SLC35F3: variants seen among roughly 807,000 people sequenced by gnomAD.
SLC35F3 encodes the protein solute carrier family 35 member F3.
A neutral mutation model predicts 49.9 loss-of-function variants in SLC35F3; 25 were observed. The ratio of observed to expected loss-of-function variants is 0.50; its 90% CI spans 0.37 to 0.70. The LOEUF is 0.70. Ranked by LOEUF, SLC35F3 falls within the 30% of genes least tolerant of loss-of-function variation. SLC35F3 has a pLI of 0.00. For synonymous variants in SLC35F3, 275 were observed against 265.4 expected (o/e 1.04, Z -0.35); for missense variants, 525 against 639.8 (o/e 0.82, Z 1.94).
chr1:234,248,794 T>C (rs1667687430), intron 3 of SLC35F3, among the ~76,000 whole-genome samples: 1 of 152,214 alleles, frequency 6.6e-6, no homozygotes, highest in Non-Finnish European at 1.5e-5. Flanking sequence ...AATCAAACTC[T>C]GTTCCTTGTT....
chr1:234,048,359 T>C (rs1664324378), intron 2 of SLC35F3, among the ~76,000 whole-genome samples: 1 of 152,194 alleles, frequency 6.6e-6, no homozygotes, highest in Non-Finnish European at 1.5e-5. Context: ...AGGTTATCCA[T>C]GATGTTAATG....
chr1:234,030,655 G>A (rs553187152), intron 2 of SLC35F3, among the ~76,000 whole-genome samples: 5 of 152,286 alleles, frequency 3.3e-5, no homozygotes, highest in Admixed American at 2.0e-4. Flanking sequence ...AGGTTGGATA[G>A]CATGAAATTG....
chr1:233,927,943 ATATCT>A (rs1558181076), intron 2 of SLC35F3, among the ~76,000 whole-genome samples: 1 of 152,214 alleles, frequency 6.6e-6, no homozygotes, highest in Non-Finnish European at 1.5e-5. Flanking sequence ...TCTGAAAATC[ATATCT>A]TATAACTTTC....
chr1:234,282,009 CT>C (rs5781782), intron 3 of SLC35F3, among the ~76,000 whole-genome samples: 2,654 of 152,186 alleles, frequency 0.017, 66 homozygotes, highest in African/African-American at 0.054. Flanking sequence ...CGCATGTCCC[CT>C]GGTACGTCTT....
chr1:234,150,078 G>C, intron 2 of SLC35F3, among the ~76,000 whole-genome samples: 1 of 152,206 alleles, frequency 6.6e-6, no homozygotes, highest in East Asian at 1.9e-4. Context: ...AGCAAGCAAA[G>C]CTGCCTTCTG....
intron 2 of SLC35F3, among the ~76,000 whole-genome samples, chr1:233,955,598 C>T (rs1174460425): frequency 6.6e-6 from 1 of 152,000 alleles, no homozygotes; most frequent in Non-Finnish European, 1.5e-5. Context: ...CCCTTCTGCC[C>T]CCCTGTCTTG....
intron 3 of SLC35F3, among the ~76,000 whole-genome samples, chr1:234,290,512 G>A (rs1274805783): frequency 6.6e-6 from 1 of 152,156 alleles, no homozygotes; most frequent in Non-Finnish European, 1.5e-5. Flanking sequence ...GCACTTGCAG[G>A]GAAGTCTGAA....
chr1:234,251,230 C>T (rs1018277027), intron 3 of SLC35F3, among the ~76,000 whole-genome samples: 1 of 152,098 alleles, frequency 6.6e-6, no homozygotes, highest in Non-Finnish European at 1.5e-5. Flanking sequence ...ATAGCAAGGA[C>T]TGGTTTGACC....
chr1:234,258,713 A>C (rs1350436690), intron 3 of SLC35F3, among the ~76,000 whole-genome samples: 1 of 152,264 alleles, frequency 6.6e-6, no homozygotes, highest in Non-Finnish European at 1.5e-5. Context: ...TAGAAGCAAG[A>C]TGGAGTCAGC....
At chr1:233,944,107 C>A (rs1217960081) in intron 2 of SLC35F3, among the ~76,000 whole-genome samples, 1 of 152,110 alleles carries the variant, frequency 6.6e-6, no homozygotes, top group Non-Finnish European at 1.5e-5. Context: ...AATTTAACAA[C>A]CTAACCTCAT....
At chr1:234,241,735 CA>C (rs34326038) in intron 3 of SLC35F3, among the ~76,000 whole-genome samples, 33,253 of 89,926 alleles carry the variant, frequency 0.37, 5,353 homozygotes, top group East Asian at 0.67. Context: ...CACTCTGTCT[CA>C]AAAAAAAAAA....
At chr1:234,126,275 A>G (rs995856850) in intron 2 of SLC35F3, among the ~76,000 whole-genome samples, 7 of 152,288 alleles carry the variant, frequency 4.6e-5, no homozygotes, top group African/African-American at 1.7e-4. Flanking sequence ...TCTACCTATT[A>G]AAGCCCTACT....
At chr1:234,313,508 TAG>T (rs1464242664) in intron 4 of SLC35F3, among the ~76,000 whole-genome samples, 1 of 152,126 alleles carries the variant, frequency 6.6e-6, no homozygotes, top group Non-Finnish European at 1.5e-5. Flanking sequence ...AACTGTTCCC[TAG>T]ACAAAGAAGA....
intron 2 of SLC35F3, among the ~76,000 whole-genome samples, chr1:234,183,745 C>A (rs1181039110): frequency 7.0e-6 from 1 of 142,854 alleles, no homozygotes; most frequent in African/African-American, 2.4e-5. Flanking sequence ...GTGACTATGA[C>A]CCTGTAAATG....
chr1:233,962,438 A>G (rs1662819616), intron 2 of SLC35F3, among the ~76,000 whole-genome samples: 1 of 152,238 alleles, frequency 6.6e-6, no homozygotes. Context: ...ATCTCCGTGC[A>G]CACATTTAAC....
chr1:234,117,303 T>C (rs566102767), intron 2 of SLC35F3, among the ~76,000 whole-genome samples: 3 of 152,128 alleles, frequency 2.0e-5, no homozygotes, highest in South Asian at 4.2e-4. Flanking sequence ...TAATACAATA[T>C]ACAAGAGGCC....
At chr1:234,267,839 C>T (rs1668019244) in intron 3 of SLC35F3, among the ~76,000 whole-genome samples, 1 of 144,190 alleles carries the variant, frequency 6.9e-6, no homozygotes, top group Admixed American at 6.8e-5. Flanking sequence ...AGCAGAGGCG[C>T]TCCTCACATC....
chr1:234,304,011 T>TTCCC (rs1251965498), intron 3 of SLC35F3, among the ~76,000 whole-genome samples: 1 of 63,368 alleles, frequency 1.6e-5, no homozygotes, highest in Non-Finnish European at 3.0e-5. Flanking sequence ...CCTTCCTTCC[T>TTCCC]TCCTTCCTTC....
chr1:234,236,221 G>T (rs750743208), intron 3 of SLC35F3, among the ~76,000 whole-genome samples: 8 of 152,018 alleles, frequency 5.3e-5, no homozygotes, highest in South Asian at 2.1e-4. Flanking sequence ...AGGGCAGATT[G>T]ATTGAGCCCA....
Sources: gnomAD v4.1 joint callset for allele counts (sites outside exome capture counted in the v4.1 genomes callset) on GRCh38, gnomAD v4.1.1 for gene constraint, MANE v1.5 for transcripts, NCBI Gene and HGNC (gene_info 2026-07-23, HGNC 2026-07-21) for gene names.